The following DAPK2 variants were observed in gnomAD, a reference collection of about 807,000 sequenced individuals.
DAPK2 encodes the protein death-associated protein kinase 2.
In DAPK2, 35 loss-of-function variants were observed where a neutral mutation model predicts 44.1. The ratio of observed to expected loss-of-function variants is 0.79; its 90% CI spans 0.61 to 1.05. DAPK2 has a LOEUF of 1.05. DAPK2 is among the 50% of genes least tolerant of loss of function. The pLI is 0.00. For synonymous variants in DAPK2, 174 were observed against 182.6 expected (o/e 0.95, Z 0.38); for missense variants, 453 against 483.2 (o/e 0.94, Z 0.59).
At chr15:63,985,421 T>A (rs1186184831) in intron 1 of DAPK2, among the ~76,000 whole-genome samples, 3 of 152,162 alleles carry the variant, frequency 2.0e-5, no homozygotes, top group South Asian at 4.1e-4. Flanking sequence ...GGTGCCTTGG[T>A]AGGTGCCAAC....
chr15:64,002,263 C>T (rs1417424342), intron 1 of DAPK2, among the ~76,000 whole-genome samples: 2 of 152,200 alleles, frequency 1.3e-5, no homozygotes, highest in Admixed American at 6.5e-5. Context: ...GGATGGACTA[C>T]TTTAAAACAT....
chr15:63,926,788 C>A (rs1014902882), intron 6 of DAPK2, among the ~76,000 whole-genome samples: 3 of 152,182 alleles, frequency 2.0e-5, no homozygotes, highest in African/African-American at 7.2e-5. Context: ...AAACCCATTC[C>A]AAGCACTCCC....
At chr15:63,944,121 C>T (rs2077388595) in intron 3 of DAPK2, among the ~76,000 whole-genome samples, 1 of 152,122 alleles carries the variant, frequency 6.6e-6, no homozygotes. Flanking sequence ...AAACGGAGGT[C>T]CTGGCAGGGC....
chr15:63,956,596 T>C (rs2077730122), intron 3 of DAPK2, among the ~76,000 whole-genome samples: 1 of 152,082 alleles, frequency 6.6e-6, no homozygotes, highest in Non-Finnish European at 1.5e-5. Flanking sequence ...TTAAATTTTT[T>C]TTTTTTTTTA....
intron 1 of DAPK2, among the ~76,000 whole-genome samples, chr15:64,000,697 G>A (rs1420356083): frequency 6.6e-6 from 1 of 152,122 alleles, no homozygotes; most frequent in Admixed American, 6.5e-5. Context: ...TAGGGGGAAG[G>A]CAGATCAAGA....
At chr15:64,017,852 C>T (rs189497837) in intron 1 of DAPK2, among the ~76,000 whole-genome samples, 386 of 152,282 alleles carry the variant, frequency 2.5e-3, no homozygotes, top group Non-Finnish European at 4.0e-3. Flanking sequence ...AATACAGACT[C>T]CCGGAGAAGG....
chr15:63,915,353 A>G lies in DAPK2; in HGVS notation c.859-3156T>C, dbSNP rs376697066. On this transcript the variant is annotated intron_variant, in intron 8 of 10. Transcript: ENST00000261891. ...GCTTAGCACCCTCCCCAACCCATCA[A>G]CCATTTCTAAGTCTAACTTCACTGA... Among the ~76,000 whole-genome samples, 9 of 152,246 alleles carry G rather than the reference A, an allele frequency of 5.9e-5. No individual in the cohort carries two copies. The South Asian group carries it at 6.2e-4, about 11-fold the overall frequency.
chr15:63,941,455 G>A (rs1244527690), intron 3 of DAPK2, among the ~76,000 whole-genome samples: 2 of 152,176 alleles, frequency 1.3e-5, no homozygotes, highest in African/African-American at 2.4e-5. Flanking sequence ...CCCCTGCAAT[G>A]CAGAGCACAG....
chr15:63,958,396 G>A (rs2077788603), intron 3 of DAPK2, among the ~76,000 whole-genome samples: 1 of 152,170 alleles, frequency 6.6e-6, no homozygotes, highest in East Asian at 1.9e-4. Flanking sequence ...TGTTGCCATT[G>A]CTTTTGGTGT....
intron 3 of DAPK2, among the ~76,000 whole-genome samples, chr15:63,956,709 C>T (rs1285308008): frequency 6.6e-6 from 1 of 152,122 alleles, no homozygotes; most frequent in Non-Finnish European, 1.5e-5. Flanking sequence ...GCCTCAGCTT[C>T]CCAAGTAGCT....
chr15:63,928,604 G>A (rs1284204079), intron 6 of DAPK2: 1 of 152,112 alleles, frequency 6.6e-6, no homozygotes, highest in Non-Finnish European at 1.5e-5. Flanking sequence ...CCCATGGCAG[G>A]AAGTTTGTGA....
In DAPK2 at chr15:63,923,336, C is replaced by T; in HGVS notation, c.858+1480G>A. 1 of 1,534,456 alleles carries T rather than the reference C, an allele frequency of 6.5e-7. No individual in the cohort carries two copies. The highest frequency in any genetic ancestry group is 8.7e-7 in the Non-Finnish European group (1 of 1,145,532). On this transcript the variant is annotated intron_variant, in intron 8 of 10. Coordinates refer to ENST00000261891, the Ensembl canonical transcript of DAPK2. This position sits in a 1 kb window ranked among gnomAD's most constrained non-coding sequence, Gnocchi z 4.2. The stretch of plus-strand genomic sequence containing the variant: ...CCGCTGTTCAGGGGCTCTGCCTTCT[C>T]CTTTTGACTGGTGGGTGTTCAGACA...
intron 8 of DAPK2, among the ~76,000 whole-genome samples, chr15:63,913,767 A>AG (rs1044342054): frequency 3.3e-5 from 5 of 152,320 alleles, no homozygotes; most frequent in Non-Finnish European, 5.9e-5. Flanking sequence ...TCCCCCTGGA[A>AG]GGCCTTCAAG....
intron 4 of DAPK2, among the ~76,000 whole-genome samples, chr15:63,931,720 A>G (rs1220598760): frequency 4.6e-5 from 7 of 152,294 alleles, no homozygotes; most frequent in Middle Eastern, 3.4e-3. Flanking sequence ...GCAGGAGCTG[A>G]GCCAACGATG....
chr15:63,976,910 T>C (rs1432632601), intron 2 of DAPK2, among the ~76,000 whole-genome samples: 1 of 152,240 alleles, frequency 6.6e-6, no homozygotes, highest in African/African-American at 2.4e-5. Flanking sequence ...TGGTTCACAT[T>C]ACATTTCTAT....
At chr15:63,954,786 T>C (rs1186535846) in intron 3 of DAPK2, among the ~76,000 whole-genome samples, 1 of 152,214 alleles carries the variant, frequency 6.6e-6, no homozygotes, top group African/African-American at 2.4e-5. Context: ...TCCATGAACA[T>C]AGAATATCTT....
intron 1 of DAPK2, among the ~76,000 whole-genome samples, chr15:64,010,517 C>G (rs1044399317): frequency 6.6e-6 from 1 of 152,122 alleles, no homozygotes; most frequent in Non-Finnish European, 1.5e-5. Flanking sequence ...TGATGATGAT[C>G]CCTACATTTG....
chr15:63,924,680 T>G, intron 8 of DAPK2, 136 bp downstream of exon 9: 1 of 934,304 alleles, frequency 1.1e-6, no homozygotes, highest in South Asian at 1.6e-5. Context: ...GGCCCCTGGC[T>G]AGCTTTCATC....
chr15:64,008,037 G>A (rs1354792865), intron 1 of DAPK2, among the ~76,000 whole-genome samples: 1 of 152,164 alleles, frequency 6.6e-6, no homozygotes, highest in Non-Finnish European at 1.5e-5. Flanking sequence ...AGCAGAGAGT[G>A]ACTGCTAATG....
Sources: allele counts gnomAD v4.1 joint callset (sites outside exome capture counted in the v4.1 genomes callset), GRCh38; gene constraint gnomAD v4.1.1; non-coding constraint Gnocchi (gnomAD v3.1); transcripts MANE v1.5; gene names NCBI Gene and HGNC (gene_info 2026-07-23, HGNC 2026-07-21).